The following NTN1 variants were observed in gnomAD, a reference collection of about 807,000 sequenced individuals.
NTN1 encodes the protein netrin 1.
A neutral mutation model predicts 54.2 loss-of-function variants in NTN1; 11 were observed. The observed-to-expected ratio is 0.20, with a 90% CI of 0.13 to 0.34. NTN1 has a LOEUF of 0.34. NTN1 is among the 10% of genes least tolerant of loss of function. NTN1 has a pLI of 1.00. For missense variants in NTN1, 740 were observed against 893.1 expected (o/e 0.83, Z 2.18); for synonymous variants, 371 against 382.0 (o/e 0.97, Z 0.33).
At chr17:9,034,015 T>C (rs916759471) in intron 2 of NTN1, among the ~76,000 whole-genome samples, 1 of 152,104 alleles carries the variant, frequency 6.6e-6, no homozygotes, top group East Asian at 1.9e-4. Context: ...TACTAAAGTG[T>C]GAAATACCAA....
chr17:9,170,822 A>G (rs1479449540), intron 3 of NTN1, among the ~76,000 whole-genome samples: 1 of 151,830 alleles, frequency 6.6e-6, no homozygotes, highest in Non-Finnish European at 1.5e-5. Flanking sequence ...CTCCTGCCCC[A>G]CTGTGTCGTA....
Position 9,025,786 on chromosome 17 carries a change from G to T in NTN1, c.1018+2395G>T, listed in dbSNP as rs537329384. Among the ~76,000 whole-genome samples, 42 of 152,292 alleles carry T rather than the reference G, an allele frequency of 2.8e-4. 1 individual carries two copies. In the South Asian group the frequency reaches 8.3e-3, roughly 30 times the overall value. On this transcript the variant is annotated intron_variant, in intron 2 of 6. Coordinates refer to ENST00000173229, the MANE Select transcript of NTN1 (RefSeq NM_004822.3). ...TAAAGGTTGAGCTTTTTATGAAAAG[G>T]CCCTGTAGTGGAGATATGTGAATGA...
chr17:9,131,150 TCTTAA>T (rs1191705425), intron 2 of NTN1, among the ~76,000 whole-genome samples: 1 of 152,198 alleles, frequency 6.6e-6, no homozygotes, highest in Non-Finnish European at 1.5e-5. Flanking sequence ...ATGGCTCACA[TCTTAA>T]CTTCTTTAAG....
At chr17:9,231,707 C>T (rs1049424136) in intron 6 of NTN1, among the ~76,000 whole-genome samples, 2 of 123,022 alleles carry the variant, frequency 1.6e-5, no homozygotes, top group African/African-American at 5.1e-5. Context: ...GGGCCACTCC[C>T]GCTCTGTGGA....
intron 2 of NTN1, among the ~76,000 whole-genome samples, chr17:9,121,988 A>T (rs2092232842): frequency 6.6e-6 from 1 of 151,688 alleles, no homozygotes; most frequent in Admixed American, 6.6e-5. Context: ...AGGGGATATT[A>T]TCTTTCTCTG....
chr17:9,227,543 TCACA>T (rs1230383612), intron 6 of NTN1, among the ~76,000 whole-genome samples: 6 of 118,092 alleles, frequency 5.1e-5, no homozygotes, highest in Admixed American at 3.7e-4. Flanking sequence ...AGATACACCA[TCACA>T]CACAGGCACA....
At chr17:9,022,262 T>G in intron 1 of NTN1, 49 bp from the exon 2 acceptor site, 3 of 1,161,972 alleles carry the variant, frequency 2.6e-6, no homozygotes, top group East Asian at 3.3e-5. Flanking sequence ...CGCCGAGAGC[T>G]GGAGGGCGCG....
At chr17:9,090,544 G>T (rs2142232542) in intron 2 of NTN1, among the ~76,000 whole-genome samples, 1 of 152,166 alleles carries the variant, frequency 6.6e-6, no homozygotes, top group East Asian at 1.9e-4. Flanking sequence ...AGAAAGTCAT[G>T]GATGTTTCTG....
intron 2 of NTN1, among the ~76,000 whole-genome samples, chr17:9,059,204 C>T (rs2091988656): frequency 6.6e-6 from 1 of 152,060 alleles, no homozygotes; most frequent in Non-Finnish European, 1.5e-5. Context: ...CCACAAATAA[C>T]CCTGGGGAAA....
chr17:9,172,526 G>C (rs2142308755), intron 3 of NTN1, among the ~76,000 whole-genome samples: 1 of 152,158 alleles, frequency 6.6e-6, no homozygotes, highest in South Asian at 2.1e-4. Context: ...ATGAAGAGAA[G>C]ATACTTGCAC....
intron 2 of NTN1, among the ~76,000 whole-genome samples, chr17:9,119,124 G>A (rs1227562885): frequency 6.6e-6 from 1 of 151,976 alleles, no homozygotes; most frequent in Non-Finnish European, 1.5e-5. Context: ...GCGGGTTCTG[G>A]TTTCTCCACA....
intron 2 of NTN1, among the ~76,000 whole-genome samples, chr17:9,158,198 C>T (rs2092348633): frequency 6.6e-6 from 1 of 151,202 alleles, no homozygotes; most frequent in African/African-American, 2.4e-5. Context: ...ATGTTTGCCT[C>T]AGAGTTTTCT....
intron 2 of NTN1, among the ~76,000 whole-genome samples, chr17:9,057,565 C>G (rs570413347): frequency 6.6e-6 from 1 of 152,132 alleles, no homozygotes; most frequent in African/African-American, 2.4e-5. Flanking sequence ...ATTGATTTCT[C>G]GGGTATTTTC....
At chr17:9,040,554 C>T (rs2091918162) in intron 2 of NTN1, among the ~76,000 whole-genome samples, 1 of 152,092 alleles carries the variant, frequency 6.6e-6, no homozygotes, top group African/African-American at 2.4e-5. Context: ...AATATTTTAG[C>T]CCTTCTTTTC....
chr17:9,217,020 TGACA>T (rs1279480936), intron 5 of NTN1, among the ~76,000 whole-genome samples: 2 of 150,098 alleles, frequency 1.3e-5, no homozygotes, highest in East Asian at 2.0e-4. Flanking sequence ...CCAGTCTGGA[TGACA>T]GACAGGGCAT....
At chr17:9,163,105 T>C (rs958776157) in intron 3 of NTN1, 104 bp downstream of exon 3, 8 of 1,206,360 alleles carry the variant, frequency 6.6e-6, no homozygotes, top group Non-Finnish European at 8.0e-6. Flanking sequence ...TCTGTACAAA[T>C]TGGCGTTGTC....
At chr17:9,037,448 C>T (rs577016224) in intron 2 of NTN1, among the ~76,000 whole-genome samples, 7 of 152,180 alleles carry the variant, frequency 4.6e-5, no homozygotes, top group Non-Finnish European at 1.0e-4. Context: ...GGAAATCCCA[C>T]TGCTGTTAGT....
chr17:9,234,120 G>C (rs1905901533), intron 6 of NTN1, among the ~76,000 whole-genome samples: 1 of 152,254 alleles, frequency 6.6e-6, no homozygotes, highest in African/African-American at 2.4e-5. Context: ...CCCCATGTGG[G>C]CGTCTCCTGT....
chr17:9,106,385 G>A (rs867351967), intron 2 of NTN1, among the ~76,000 whole-genome samples: 6 of 152,298 alleles, frequency 3.9e-5, no homozygotes, highest in Non-Finnish European at 1.5e-5. Flanking sequence ...GTTAGCACAC[G>A]GAACGGAATA....
Sources: allele counts gnomAD v4.1 joint callset (sites outside exome capture counted in the v4.1 genomes callset), GRCh38; gene constraint gnomAD v4.1.1; transcripts MANE v1.5; gene names NCBI Gene and HGNC (gene_info 2026-07-23, HGNC 2026-07-21).